Variants in CDC20B observed in about 807,000 individuals in gnomAD.
The protein encoded by CDC20B is cell division cycle protein 20 homolog B.
A neutral mutation model predicts 64.1 loss-of-function variants in CDC20B; 58 were observed. The ratio of observed to expected loss-of-function variants is 0.90; its 90% CI spans 0.73 to 1.13. The LOEUF is 1.13. CDC20B is among the 50% of genes most tolerant of loss of function. CDC20B has a pLI of 0.00. For missense variants in CDC20B, 597 were observed against 633.0 expected, an observed-to-expected ratio of 0.94 and a Z score of 0.61; for synonymous variants, 243 against 230.6, an observed-to-expected ratio of 1.05 and a Z score of -0.49.
chr5:55,123,419 A>T (rs1742803342), intron 9 of CDC20B, among the ~76,000 whole-genome samples: 1 of 152,172 alleles, frequency 6.6e-6, no homozygotes, highest in Non-Finnish European at 1.5e-5. Flanking sequence ...TTTCTTAAAT[A>T]TCCTACACTT....
chr5:55,127,487 A>C, intron 7 of CDC20B, 136 bp from the exon 8 acceptor site: 1 of 674,658 alleles, frequency 1.5e-6, no homozygotes, highest in South Asian at 1.8e-5. Flanking sequence ...TCTAGCCAGC[A>C]GTTCTCAATT....
chr5:55,169,752 C>T (rs554581087), intron 2 of CDC20B, among the ~76,000 whole-genome samples: 1 of 152,338 alleles, frequency 6.6e-6, no homozygotes, highest in Admixed American at 6.5e-5. Flanking sequence ...ATTACCTCAA[C>T]TTTCCCTTCA....
intron 5 of CDC20B, among the ~76,000 whole-genome samples, chr5:55,140,028 T>G (rs1028681755): frequency 1.3e-5 from 2 of 151,982 alleles, no homozygotes; most frequent in African/African-American, 4.8e-5. Flanking sequence ...AAAAAAGTCA[T>G]GATTAAGTCT....
In CDC20B at chr5:55,144,867, T is replaced by C. The variant is rs1001195095; in HGVS notation, c.356-1224A>G. Among the ~76,000 whole-genome samples, 3 of 152,152 alleles carry C rather than the reference T, an allele frequency of 2.0e-5. No homozygotes were observed. In the South Asian group the frequency reaches 6.2e-4, roughly 32 times the overall value. On this transcript the variant is annotated intron_variant, in intron 3 of 11. Coordinates refer to ENST00000381375, the MANE Select transcript of CDC20B (RefSeq NM_001170402.1). ...ATGAACCTCTCTGTAAATGTCCCTT[T>C]GGAATGGGAGGATCTTCAGTATCTG... is the stretch of plus-strand genomic sequence containing the variant.
chr5:55,139,476 G>A (rs984664780), intron 5 of CDC20B, among the ~76,000 whole-genome samples: 1 of 152,134 alleles, frequency 6.6e-6, no homozygotes, highest in Non-Finnish European at 1.5e-5. Context: ...CATGGAAAAT[G>A]TTATTGACAG....
chr5:55,120,597 G>A (rs766477340), intron 9 of CDC20B, 47 bp from the exon 10 acceptor site: 6 of 1,604,538 alleles, frequency 3.7e-6, no homozygotes, highest in Non-Finnish European at 5.1e-6. Flanking sequence ...TTCAAAGGAG[G>A]TGCACTCATG....
chr5:55,135,087 T>C (rs1365513376), intron 5 of CDC20B, among the ~76,000 whole-genome samples: 2 of 152,192 alleles, frequency 1.3e-5, no homozygotes, highest in African/African-American at 4.8e-5. Flanking sequence ...TTGTAACAAA[T>C]GTACCACTCT....
intron 6 of CDC20B, 150 bp from the exon 7 acceptor site, chr5:55,128,767 G>A: frequency 5.4e-6 from 3 of 551,160 alleles, no homozygotes; most frequent in Non-Finnish European, 8.9e-6. Context: ...ATCCTTAAAA[G>A]TTCAAAAATG....
chr5:55,139,504 G>A (rs540335728), intron 5 of CDC20B, among the ~76,000 whole-genome samples: 1 of 152,062 alleles, frequency 6.6e-6, no homozygotes, highest in East Asian at 1.9e-4. Context: ...ATAAAACATT[G>A]GAGCATTTAG....
chr5:55,159,096 A>G (rs1381335862), intron 2 of CDC20B, among the ~76,000 whole-genome samples: 1 of 152,184 alleles, frequency 6.6e-6, no homozygotes, highest in Non-Finnish European at 1.5e-5. Flanking sequence ...GACTCACTGC[A>G]GCCTCAACCT....
intron 5 of CDC20B, among the ~76,000 whole-genome samples, chr5:55,137,928 A>G (rs1042288316): frequency 2.0e-5 from 3 of 152,142 alleles, no homozygotes; most frequent in African/African-American, 7.2e-5. Flanking sequence ...TTGCCTTGCA[A>G]AATCCCACAA....
chr5:55,126,836 T>C (rs755387996), intron 8 of CDC20B, among the ~76,000 whole-genome samples: 12 of 152,226 alleles, frequency 7.9e-5, no homozygotes, highest in Non-Finnish European at 1.5e-4. Flanking sequence ...GGATAATCTA[T>C]GAGGTTCCTT....
chr5:55,114,593 G>A lies in CDC20B; in HGVS notation c.1460-275C>T, dbSNP rs1010759540. ...ACCCATTGGGTGGCTTAAAACAACA[G>A]AAATTGATTCTCACAGTTCTGGAGA... On this transcript the variant is annotated intron_variant, in intron 11 of 11. Transcript: ENST00000381375. This position sits in a 1 kb window ranked among gnomAD's most constrained non-coding sequence, Gnocchi z 4.1. Among the ~76,000 whole-genome samples the A allele has an allele frequency of 6.6e-6, 1 of 152,156 alleles. No individual in the cohort carries two copies. The highest frequency in any genetic ancestry group is 1.5e-5 in the Non-Finnish European group (1 of 68,022).
chr5:55,146,918 C>T (rs1053722141), intron 2 of CDC20B, 62 bp from the exon 3 acceptor site: 2 of 1,175,578 alleles, frequency 1.7e-6, no homozygotes, highest in Admixed American at 1.9e-5. Context: ...GTAAAAATTC[C>T]CTATAAGAGA....
chr5:55,118,725 G>C (rs1742683184), intron 11 of CDC20B, among the ~76,000 whole-genome samples: 1 of 152,208 alleles, frequency 6.6e-6, no homozygotes, highest in Non-Finnish European at 1.5e-5. Context: ...TCTGCTAAGA[G>C]TTCCCTGTAT....
At chr5:55,136,939 G>A (rs1743191458) in intron 5 of CDC20B, 1 of 152,458 alleles carries the variant, frequency 6.6e-6, no homozygotes, top group Non-Finnish European at 1.5e-5. Flanking sequence ...TATAATCTCA[G>A]TATTTTGGAA....
rs566574425 is a variant in CDC20B at position 55,132,179 on chromosome 5, T to C, written c.697+1233A>G. ...AAAATCCATCCTTCTTAGTTGGTCA[T>C]GACAATACATTCTCTTGGAGAAGGA... is the stretch of plus-strand genomic sequence containing the variant. On this transcript the variant is annotated intron_variant, in intron 6 of 11. Coordinates refer to ENST00000381375, the MANE Select transcript of CDC20B (RefSeq NM_001170402.1). 2.6e-5 allele frequency among the ~76,000 whole-genome samples: 4 copies of C among 152,348 alleles called. No homozygotes were observed. The East Asian group carries it at 5.8e-4, about 22-fold the overall frequency.
At chr5:55,160,058 A>C (rs965911620) in intron 2 of CDC20B, 5 of 631,998 alleles carry the variant, frequency 7.9e-6, no homozygotes, top group Non-Finnish European at 1.1e-5. Context: ...CCCTCTGAGA[A>C]GTGGTCTTTC....
chr5:55,138,165 T>TAAA lies in CDC20B; in HGVS notation c.580+2146_580+2148dup, dbSNP rs33958487. Among the ~76,000 whole-genome samples the TAAA allele has an allele frequency of 2.6e-3, 374 of 141,360 alleles. 2 individuals carry two copies. Among genetic ancestry groups the TAAA allele is most frequent in the African/African-American group, 5.5e-3 (211 of 38,540 alleles). The allele number at this position is 141,360 out of a possible 152,430, so 92.7% of individuals were successfully genotyped here. On this transcript the variant is annotated intron_variant, in intron 5 of 11. Transcript: ENST00000381375. ...TGAAACAAAAAAATAGATTTTGAGT[T>TAAA]AAAAAAAAAAAAAAAAGACAGAGCT...
Sources: gnomAD v4.1 joint callset for allele counts (sites outside exome capture counted in the v4.1 genomes callset) on GRCh38, gnomAD v4.1.1 for gene constraint, Gnocchi (gnomAD v3.1) non-coding constraint, MANE v1.5 for transcripts, NCBI Gene and HGNC (gene_info 2026-07-23, HGNC 2026-07-21) for gene names.